The following AGBL4 variants were observed in gnomAD, a reference collection of about 807,000 sequenced individuals.
The protein encoded by AGBL4 is AGBL carboxypeptidase 4.
A neutral mutation model predicts 66.4 loss-of-function variants in AGBL4; 58 were observed. That is an observed-to-expected ratio of 0.87 (90% CI 0.71 to 1.09). The LOEUF is 1.09. Among genes scored for constraint, AGBL4 ranks in the 50% least tolerant of loss-of-function variants. The probability of loss-of-function intolerance (pLI) is 0.00; values close to 1 mark genes in which losing one functional copy is unlikely to be tolerated. For synonymous variants in AGBL4, 234 were observed against 222.9 expected, an observed-to-expected ratio of 1.05 and a Z score of -0.44; for missense variants, 579 against 631.0, an observed-to-expected ratio of 0.92 and a Z score of 0.88.
chr1:48,591,073 C>G (rs1230688813), intron 9 of AGBL4, 88 bp from the exon 10 acceptor site: 11 of 990,828 alleles, frequency 1.1e-5, no homozygotes, highest in Admixed American at 5.6e-5. Flanking sequence ...ACACACACCC[C>G]CCACACACAC....
intron 1 of AGBL4, among the ~76,000 whole-genome samples, chr1:49,978,427 G>C (rs1476561583): frequency 1.3e-5 from 2 of 152,138 alleles, no homozygotes; most frequent in African/African-American, 4.8e-5. Flanking sequence ...CTAGGCAACA[G>C]AGAGAGACCC....
chr1:49,858,297 G>T (rs1646483135), intron 1 of AGBL4, among the ~76,000 whole-genome samples: 1 of 152,052 alleles, frequency 6.6e-6, no homozygotes, highest in Non-Finnish European at 1.5e-5. Context: ...TAGTACATTA[G>T]TACATAGACA....
chr1:48,666,556 G>A (rs1303150600), intron 6 of AGBL4, among the ~76,000 whole-genome samples: 3 of 152,182 alleles, frequency 2.0e-5, no homozygotes, highest in African/African-American at 4.8e-5. Flanking sequence ...ACACACCTTT[G>A]TCACTATAAC....
intron 1 of AGBL4, among the ~76,000 whole-genome samples, chr1:50,012,069 G>A (rs1377510780): frequency 6.6e-6 from 1 of 151,440 alleles, no homozygotes; most frequent in Non-Finnish European, 1.5e-5. Flanking sequence ...TGAGGCAGGA[G>A]AATGGCGTGA....
At chr1:48,675,758 T>C (rs1646354754) in intron 6 of AGBL4, among the ~76,000 whole-genome samples, 1 of 152,154 alleles carries the variant, frequency 6.6e-6, no homozygotes, top group Admixed American at 6.5e-5. Flanking sequence ...CTAATTAATG[T>C]CACCATTTAC....
chr1:48,986,375 T>A (rs1660177036), intron 5 of AGBL4, among the ~76,000 whole-genome samples: 1 of 151,906 alleles, frequency 6.6e-6, no homozygotes, highest in African/African-American at 2.4e-5. Flanking sequence ...CATAATCAAT[T>A]TGTTTAAAGT....
chr1:49,919,244 G>A (rs185879509), intron 1 of AGBL4, among the ~76,000 whole-genome samples: 86 of 152,260 alleles, frequency 5.6e-4, no homozygotes, highest in African/African-American at 1.8e-3. Context: ...GGGCAATCAG[G>A]CAGGAGAAAG....
chr1:49,410,841 C>T (rs1005295642), intron 3 of AGBL4, among the ~76,000 whole-genome samples: 4 of 152,214 alleles, frequency 2.6e-5, no homozygotes, highest in East Asian at 1.9e-4. Context: ...ATGACAGTAA[C>T]GTCAATGATG....
intron 4 of AGBL4, among the ~76,000 whole-genome samples, chr1:49,082,474 A>G: frequency 6.6e-6 from 1 of 152,220 alleles, no homozygotes; most frequent in East Asian, 1.9e-4. Flanking sequence ...CACATTTCAC[A>G]TGTGGCAGGC....
chr1:49,008,401 G>C (rs908796825), intron 5 of AGBL4, among the ~76,000 whole-genome samples: 10 of 151,584 alleles, frequency 6.6e-5, no homozygotes, highest in Non-Finnish European at 5.9e-5. Flanking sequence ...CTTGCAAAGA[G>C]ACTTAGACTC....
chr1:48,645,481 G>A (rs1645820992), intron 8 of AGBL4, among the ~76,000 whole-genome samples: 1 of 152,154 alleles, frequency 6.6e-6, no homozygotes, highest in Non-Finnish European at 1.5e-5. Context: ...TAAAGATTTA[G>A]GCTGAGGAGA....
chr1:49,072,766 T>A (rs991347604), intron 4 of AGBL4, among the ~76,000 whole-genome samples: 1 of 152,208 alleles, frequency 6.6e-6, no homozygotes. Context: ...TTCTCTCTAT[T>A]TCCTGAATTT....
intron 6 of AGBL4, among the ~76,000 whole-genome samples, chr1:48,785,670 C>T (rs1293545329): frequency 6.6e-6 from 1 of 152,126 alleles, no homozygotes; most frequent in Non-Finnish European, 1.5e-5. Context: ...ATACACTAAT[C>T]CTAATAATAA....
chr1:48,770,229 A>G (rs1460421652), intron 6 of AGBL4, among the ~76,000 whole-genome samples: 1 of 152,208 alleles, frequency 6.6e-6, no homozygotes, highest in African/African-American at 2.4e-5. Context: ...ATCCCATTCA[A>G]ATCTTTTCTT....
At chr1:48,758,922 C>A in intron 6 of AGBL4, 1 of 1,540,796 alleles carries the variant, frequency 6.5e-7, no homozygotes, top group Non-Finnish European at 8.7e-7. Flanking sequence ...GCAGGAGCAG[C>A]ACGTCCTGGA....
intron 5 of AGBL4, among the ~76,000 whole-genome samples, chr1:48,976,198 G>T (rs1028105539): frequency 1.3e-5 from 2 of 152,106 alleles, no homozygotes; most frequent in Non-Finnish European, 2.9e-5. Context: ...TGCAGAGGGG[G>T]TTCCCAAATA....
At chr1:49,976,491 T>A (rs1658568214) in intron 1 of AGBL4, among the ~76,000 whole-genome samples, 1 of 152,160 alleles carries the variant, frequency 6.6e-6, no homozygotes, top group Admixed American at 6.5e-5. Flanking sequence ...ACAAGGAAAA[T>A]CACTGGGTAG....
chr1:49,219,242 T>C (rs1649312884), intron 4 of AGBL4, among the ~76,000 whole-genome samples: 2 of 152,208 alleles, frequency 1.3e-5, no homozygotes, highest in Non-Finnish European at 2.9e-5. Flanking sequence ...GTCAGTTTAC[T>C]GTTAGTCTTA....
intron 2 of AGBL4, among the ~76,000 whole-genome samples, chr1:49,789,501 T>C (rs553334099): frequency 1.3e-5 from 2 of 152,244 alleles, no homozygotes; most frequent in East Asian, 1.9e-4. Flanking sequence ...AGATACAAAA[T>C]TGATGTGCAA....
Sources: allele counts gnomAD v4.1 joint callset (sites outside exome capture counted in the v4.1 genomes callset), GRCh38; gene constraint gnomAD v4.1.1; transcripts MANE v1.5; gene names NCBI Gene and HGNC (gene_info 2026-07-23, HGNC 2026-07-21).